The following ATP10B variants were observed in gnomAD, a reference collection of about 807,000 sequenced individuals.
The protein encoded by ATP10B is phospholipid-transporting ATPase VB.
ATP10B carries 122 observed loss-of-function variants against 141.2 expected under a neutral mutation model. The observed-to-expected ratio is 0.86, with a 90% CI of 0.75 to 1.00. The LOEUF (loss-of-function observed/expected upper bound fraction) is 1.00, where lower values mean the gene tolerates loss of function less well. Among genes scored for constraint, ATP10B ranks in the 50% least tolerant of loss-of-function variants. The pLI is 0.00. For synonymous variants in ATP10B, 685 were observed against 692.0 expected (o/e 0.99, Z 0.16); for missense variants, 1,876 against 1,825.3 (o/e 1.03, Z -0.51).
intron 1 of ATP10B, among the ~76,000 whole-genome samples, chr5:160,840,674 T>G (rs1775758486): frequency 6.6e-6 from 1 of 151,972 alleles, no homozygotes; most frequent in Admixed American, 6.6e-5. Flanking sequence ...CGTCCAGATG[T>G]GATAAAAGAT....
At chr5:160,858,893 C>T in the ATP10B span, among the ~76,000 whole-genome samples, 3 of 151,688 alleles carry the variant, frequency 2.0e-5, no homozygotes, top group African/African-American at 7.3e-5. Flanking sequence ...TAAATATGTC[C>T]TCTACATATA....
intron 2 of ATP10B, among the ~76,000 whole-genome samples, chr5:160,761,648 T>A (rs1769053362): frequency 6.6e-6 from 1 of 152,130 alleles, no homozygotes; most frequent in African/African-American, 2.4e-5. Context: ...ACCAGAAAAG[T>A]AATTCTGGTA....
the ATP10B span, among the ~76,000 whole-genome samples, chr5:160,904,507 G>A: frequency 6.6e-6 from 1 of 151,802 alleles, no homozygotes; most frequent in Non-Finnish European, 1.5e-5. Flanking sequence ...GGGTGTGCGT[G>A]TGTATGTTTC....
At chr5:160,854,284 G>A (rs138619596), upstream of ATP10B, among the ~76,000 whole-genome samples, 650 of 152,050 alleles carry the variant, frequency 4.3e-3, 1 homozygote, top group Non-Finnish European at 7.8e-3. Flanking sequence ...CCATCAACCC[G>A]TCACCTACAT....
chr5:160,889,013 G>A, the ATP10B span, among the ~76,000 whole-genome samples: 4 of 152,034 alleles, frequency 2.6e-5, no homozygotes, highest in Non-Finnish European at 5.9e-5. Context: ...ATCTACTGTG[G>A]GGAAAAAATA....
In ATP10B at chr5:160,708,344, T is replaced by G. The variant is rs146121223; in HGVS notation, c.-205+8565A>C. ...GCCCCCTTCCAATCTCTAATAACTT[T>G]ATTCTGTCCTTTCATGAGAGAGCCA... On this transcript the variant is annotated intron_variant, in intron 3 of 25. Transcript: ENST00000327245. Among the ~76,000 whole-genome samples the G allele has an allele frequency of 3.4e-3, 512 of 152,306 alleles. 4 individuals carry two copies. Among genetic ancestry groups the G allele is most frequent in the African/African-American group, 0.012 (483 of 41,574 alleles).
At chr5:160,926,293 G>A in the ATP10B span, among the ~76,000 whole-genome samples, 1 of 152,170 alleles carries the variant, frequency 6.6e-6, no homozygotes, top group Non-Finnish European at 1.5e-5. Flanking sequence ...ATTACCGCCA[G>A]GATTCAAGCC....
intron 1 of ATP10B, among the ~76,000 whole-genome samples, chr5:160,795,438 C>A (rs1453550914): frequency 2.0e-5 from 3 of 152,054 alleles, no homozygotes; most frequent in African/African-American, 7.2e-5. Flanking sequence ...CTGTACCTGG[C>A]CCCTTTGTTT....
chr5:160,830,633 G>T (rs1775003280), intron 1 of ATP10B, among the ~76,000 whole-genome samples: 1 of 151,886 alleles, frequency 6.6e-6, no homozygotes, highest in South Asian at 2.1e-4. Context: ...ATTAGAAATT[G>T]AGCCAAATTT....
intron 2 of ATP10B, among the ~76,000 whole-genome samples, chr5:160,758,262 T>C (rs1341589119): frequency 6.6e-6 from 1 of 152,104 alleles, no homozygotes; most frequent in Non-Finnish European, 1.5e-5. Flanking sequence ...TCTGAGCTTG[T>C]GTTGTTTTTT....
At position 160,563,672 on chromosome 5, in the gene ATP10B, T is replaced by A. The variant is rs939695654; in HGVS notation, c.*1781A>T. 1 of 152,198 alleles carries A rather than the reference T, an allele frequency of 6.6e-6. No homozygotes were observed. The highest frequency in any genetic ancestry group is 1.9e-4 in the East Asian group (1 of 5,186). The allele number at this position is 152,198 out of a possible 1,614,324, so 9.4% of individuals were successfully genotyped here. On this transcript the variant is annotated 3_prime_UTR_variant, in exon 26 of 26. Coordinates refer to ENST00000327245, the MANE Select transcript of ATP10B (RefSeq NM_025153.3). ...GTGTGGCATTCTGCTTCAAGCCACCTGCATCCTAGAGAGCAAGGATTCAAA... is the reference window on the plus strand; with the variant it reads ...GTGTGGCATTCTGCTTCAAGCCACCAGCATCCTAGAGAGCAAGGATTCAAA...
chr5:160,916,937 A>C, the ATP10B span, among the ~76,000 whole-genome samples: 35 of 152,310 alleles, frequency 2.3e-4, no homozygotes, highest in African/African-American at 8.2e-4. Flanking sequence ...CACAGATGAA[A>C]GCTTCTCTGA....
At chr5:160,580,454 G>A (rs1366256897) in intron 24 of ATP10B, among the ~76,000 whole-genome samples, 1 of 98,426 alleles carries the variant, frequency 1.0e-5, no homozygotes, top group East Asian at 4.1e-4. Flanking sequence ...TTTATGTGAT[G>A]GATTACATTT....
At chr5:160,664,164 G>A (rs1762167110) in intron 7 of ATP10B, among the ~76,000 whole-genome samples, 1 of 152,166 alleles carries the variant, frequency 6.6e-6, no homozygotes, top group South Asian at 2.1e-4. Context: ...ATGAAATTTG[G>A]AGAAGCCTGT....
Position 160,569,660 on chromosome 5 carries a change from G to T in ATP10B, c.3774C>A (p.Leu1258=). ...GAAAGTACATCAGGAAGCTGCCGAG[G>T]AGCACGACTCCGTGGAAAATGGTCT... is the stretch of plus-strand genomic sequence containing the variant. The part of the protein sequence containing the change: ...KTWTIFHGVV[L]LGSFLMYFLV... Residue 1258 remains leucine, a synonymous_variant, in exon 25 of 26, where the codon CTC becomes CTA. Transcript: ENST00000327245. 6.3e-7 allele frequency: 1 copy of T among 1,590,524 alleles called. No homozygotes were observed. Among genetic ancestry groups the T allele is most frequent in the Non-Finnish European group, 8.6e-7 (1 of 1,169,056 alleles).
At chr5:160,798,845 GGTTTCA>G (rs1214613578) in intron 1 of ATP10B, among the ~76,000 whole-genome samples, 1 of 150,642 alleles carries the variant, frequency 6.6e-6, no homozygotes, top group Non-Finnish European at 1.5e-5. Context: ...CTGCCTCCCG[GGTTTCA>G]AGCAATTCTT....
chr5:160,569,665 C>T lies in ATP10B; in HGVS notation c.3769G>A (p.Val1257Met), dbSNP rs779540023. The T allele has an allele frequency of 3.3e-5, 52 of 1,581,228 alleles. No homozygotes were observed. The highest frequency in any genetic ancestry group is 2.1e-4 in the South Asian group (18 of 85,798). ...TACATCAGGAAGCTGCCGAGGAGCA[C>T]GACTCCGTGGAAAATGGTCTGTGGA... ...MKTWTIFHGV[V>M]LLGSFLMYFL... The change falls in exon 25 of 26, where the codon GTG (valine) becomes ATG (methionine). Residue 1257 changes from valine (V) to methionine (M), a missense_variant. Coordinates refer to ENST00000327245, the MANE Select transcript of ATP10B (RefSeq NM_025153.3).
chr5:160,603,972 C>A lies in ATP10B; in HGVS notation c.3230G>T (p.Gly1077Val). ...DIGIGISGQE[G>V]MQAVMSSDFA... ...AGTTGCAGAGAACAATACCTGCATG[C>A]CTTCCTGTCCAGATATTCCAATTCC... Residue 1077 changes from glycine to valine, a missense_variant, in exon 20 of 26, where the codon GGC becomes GTC. Physicochemically the swap from Gly to Val is moderately radical, Grantham distance 109. Coordinates refer to ENST00000327245, the MANE Select transcript of ATP10B (RefSeq NM_025153.3). 6.2e-7 allele frequency: 1 copy of A among 1,612,912 alleles called. No homozygotes were observed. The highest frequency in any genetic ancestry group is 1.3e-5 in the African/African-American group (1 of 75,030).
intron 3 of ATP10B, among the ~76,000 whole-genome samples, chr5:160,696,509 C>T (rs1764371664): frequency 6.6e-6 from 1 of 152,126 alleles, no homozygotes; most frequent in African/African-American, 2.4e-5. Flanking sequence ...CTGACAGGAA[C>T]TACTTTTATT....
Sources: allele counts gnomAD v4.1 joint callset (sites outside exome capture counted in the v4.1 genomes callset), GRCh38; gene constraint gnomAD v4.1.1; transcripts MANE v1.5; gene names NCBI Gene and HGNC (gene_info 2026-07-23, HGNC 2026-07-21).